The following ZMPSTE24 variants were observed in gnomAD, a reference collection of about 807,000 sequenced individuals.
ZMPSTE24 encodes the protein zinc metallopeptidase STE24, also known as CAAX prenyl protease 1 homolog.
Under a neutral mutation model 56.7 loss-of-function variants are expected in ZMPSTE24, and 48 were observed. That is an observed-to-expected ratio of 0.85 (90% confidence interval 0.67 to 1.08). The LOEUF is 1.08. ZMPSTE24 is among the 50% of genes least tolerant of loss of function. The probability of loss-of-function intolerance (pLI) is 0.00; values close to 1 mark genes in which losing one functional copy is unlikely to be tolerated. For missense variants in ZMPSTE24, 503 were observed against 548.7 expected (o/e 0.92, Z 0.83); for synonymous variants, 172 against 195.2 (o/e 0.88, Z 0.99).
At chr1:40,290,747 C>A in intron 8 of ZMPSTE24, 107 bp from the exon 9 acceptor site, 1 of 1,392,266 alleles carries the variant, frequency 7.2e-7, no homozygotes, top group Non-Finnish European at 1.0e-6. Flanking sequence ...CAGGCGTGAG[C>A]CACCGCGCCC....
intron 2 of ZMPSTE24, 26 bp downstream of exon 2, chr1:40,261,011 C>G (rs1643491903): frequency 6.2e-7 from 1 of 1,612,448 alleles, no homozygotes; most frequent in Non-Finnish European, 8.5e-7. Flanking sequence ...CTTGGAGAGA[C>G]AGTCTGTCTG....
intron 2 of ZMPSTE24, among the ~76,000 whole-genome samples, chr1:40,261,545 CT>C (rs2124576078): frequency 6.6e-6 from 1 of 152,248 alleles, no homozygotes; most frequent in Non-Finnish European, 1.5e-5. Context: ...ATGAGCCACA[CT>C]GTACCTGGCC....
chr1:40,271,083 C>A (rs1426695715), intron 5 of ZMPSTE24, among the ~76,000 whole-genome samples: 1 of 152,200 alleles, frequency 6.6e-6, no homozygotes, highest in African/African-American at 2.4e-5. Context: ...GATAGGGCCT[C>A]CCTGTGTTGC....
At chr1:40,260,088 A>G (rs575674437) in intron 1 of ZMPSTE24, among the ~76,000 whole-genome samples, 134 of 116,780 alleles carry the variant, frequency 1.1e-3, no homozygotes, top group Non-Finnish European at 1.6e-3. Context: ...TTAAGGAGAT[A>G]GATTCTCTGT....
intron 5 of ZMPSTE24, among the ~76,000 whole-genome samples, chr1:40,270,609 T>G (rs1450155387): frequency 6.6e-6 from 1 of 152,064 alleles, no homozygotes; most frequent in Non-Finnish European, 1.5e-5. Context: ...CCCCATCTGC[T>G]TCCCCTTCCC....
At chr1:40,273,518 A>C (rs1216002079) in intron 6 of ZMPSTE24, among the ~76,000 whole-genome samples, 6 of 31,956 alleles carry the variant, frequency 1.9e-4, no homozygotes, top group Admixed American at 8.0e-4. Context: ...ATTCTGTCTA[A>C]AAAAAAAAAA....
At chr1:40,271,548 G>A (rs150606914) in intron 5 of ZMPSTE24, among the ~76,000 whole-genome samples, 79 of 152,270 alleles carry the variant, frequency 5.2e-4, no homozygotes, top group African/African-American at 1.9e-3. Context: ...GTAGAACTGC[G>A]TGTTATGATT....
chr1:40,273,613 G>A (rs1488015981), intron 6 of ZMPSTE24, among the ~76,000 whole-genome samples: 1 of 131,790 alleles, frequency 7.6e-6, no homozygotes, highest in Non-Finnish European at 1.6e-5. Context: ...CCCAACTAAA[G>A]GCACGATTGG....
chr1:40,266,830 C>T (rs189976135), intron 2 of ZMPSTE24, among the ~76,000 whole-genome samples: 38 of 140,812 alleles, frequency 2.7e-4, no homozygotes, highest in African/African-American at 1.0e-3. Flanking sequence ...AGTGCAGGCA[C>T]GATCATGGCC....
rs574387426 is a variant in ZMPSTE24 at position 40,269,395 on chromosome 1, T to TA, written c.475-568dup. 8.0e-3 allele frequency among the ~76,000 whole-genome samples: 1,149 copies of TA among 144,320 alleles called. 8 individuals are homozygous for TA. The highest frequency in any genetic ancestry group is 0.017 in the African/African-American group (670 of 39,520). 94.7% of individuals were successfully genotyped at this position (144,320 alleles called of 152,430 possible). A position where few individuals can be genotyped will look rare whatever the true frequency, so the allele number is the denominator to read the frequency against. On this transcript the variant is annotated intron_variant, in intron 4 of 9. Transcript: ENST00000372759. Reference sequence around the variant, plus strand: ...GGGCAACAGAGCCAGACCTGTCTCTTAAAAAAAAAAAAGAAATTTATGTTA... The same window carrying TA: ...GGGCAACAGAGCCAGACCTGTCTCTTAAAAAAAAAAAAAGAAATTTATGTTA...
chr1:40,283,810 C>T lies in ZMPSTE24; in HGVS notation c.955-2115C>T, dbSNP rs115721283. 4.3e-3 allele frequency among the ~76,000 whole-genome samples: 659 copies of T among 152,106 alleles called. 6 individuals carry two copies. Among genetic ancestry groups the T allele is most frequent in the African/African-American group, 0.016 (645 of 41,532 alleles). ...CTGTGTTTTCAGGGCTCCTCTTACTCGAGTGCTGGATTTGTTATACTGAAC... is the reference window on the plus strand; with the variant it reads ...CTGTGTTTTCAGGGCTCCTCTTACTTGAGTGCTGGATTTGTTATACTGAAC... On this transcript the variant is annotated intron_variant, in intron 7 of 9. Transcript: ENST00000372759.
At chr1:40,276,050 A>G (rs1220178903) in intron 6 of ZMPSTE24, among the ~76,000 whole-genome samples, 1 of 152,184 alleles carries the variant, frequency 6.6e-6, no homozygotes, top group Non-Finnish European at 1.5e-5. Context: ...AGCTGCTCGG[A>G]GTGCTGGGGA....
intron 2 of ZMPSTE24, chr1:40,263,051 T>C: frequency 1.1e-6 from 1 of 926,946 alleles, no homozygotes; most frequent in African/African-American, 1.8e-5. Context: ...TACAGGGCCA[T>C]AGTAAAATAA....
At position 40,272,030 on chromosome 1, in the gene ZMPSTE24, T is replaced by C. The variant is rs1292120307; in HGVS notation, c.764T>C (p.Val255Ala). The change falls in exon 6 of 10, where the codon GTG (valine) becomes GCG (alanine). Residue 255 changes from valine to alanine, a missense_variant. Transcript: ENST00000372759. ...TTTCCTTTGACGAAGGTGTATGTTG[T>C]GGAAGGTAAGGCTACCTGGGGATAA... ...IDFPLTKVYV[V>A]EGSKRSSHSN... 5.6e-6 allele frequency: 9 copies of C among 1,606,578 alleles called. No homozygotes were observed. The highest frequency in any genetic ancestry group is 6.8e-6 in the Non-Finnish European group (8 of 1,175,926).
chr1:40,274,525 A>G (rs1185715483), intron 6 of ZMPSTE24, among the ~76,000 whole-genome samples: 1 of 152,200 alleles, frequency 6.6e-6, no homozygotes, highest in African/African-American at 2.4e-5. Flanking sequence ...GTCAATGGGA[A>G]GATGTTCAAG....
chr1:40,262,544 A>C (rs1267478118), intron 2 of ZMPSTE24: 2 of 153,564 alleles, frequency 1.3e-5, no homozygotes, highest in Non-Finnish European at 2.9e-5. Context: ...TTTTTTTTAA[A>C]TAGATGAAAG....
In ZMPSTE24 at chr1:40,288,627, G is replaced by A. The variant is rs118060523; in HGVS notation, c.1060-2227G>A. On this transcript the variant is annotated intron_variant, in intron 8 of 9. Transcript: ENST00000372759. ...AGTCATGGAGCGGCTACAGAGAAAG[G>A]CTAGCTGACCTTCACAGAGCAGGTG... is the stretch of plus-strand genomic sequence containing the variant. Among the ~76,000 whole-genome samples the A allele has an allele frequency of 8.5e-4, 129 of 152,258 alleles. No individual in the cohort carries two copies. In the East Asian group the frequency reaches 0.024, roughly 28 times the overall value.
intron 9 of ZMPSTE24, among the ~76,000 whole-genome samples, 190 bp downstream of exon 9, chr1:40,291,187 G>A (rs1049155279): frequency 2.6e-5 from 4 of 152,180 alleles, no homozygotes; most frequent in African/African-American, 9.6e-5. Context: ...ATAAATAAAC[G>A]TTTGCATACT....
chr1:40,275,752 C>CAA lies in ZMPSTE24; in HGVS notation c.769+3738_769+3739dup, dbSNP rs34281343. Among the ~76,000 whole-genome samples the CAA allele has an allele frequency of 7.0e-3, 427 of 61,308 alleles. 1 individual carries two copies. The highest frequency in any genetic ancestry group is 8.3e-3 in the Non-Finnish European group (248 of 29,784). 40.2% of individuals were successfully genotyped at this position (61,308 alleles called of 152,430 possible). A position where few individuals can be genotyped will look rare whatever the true frequency, so the allele number is the denominator to read the frequency against. On this transcript the variant is annotated intron_variant, in intron 6 of 9. Coordinates refer to ENST00000372759, the MANE Select transcript of ZMPSTE24 (RefSeq NM_005857.5). ...GGGCAACAAGAGTGAGACCCTGTCT[C>CAA]AAAAAAAAAAAAAAAAAAAAAACAA...
Sources: gnomAD v4.1 joint callset for allele counts (sites outside exome capture counted in the v4.1 genomes callset) on GRCh38, gnomAD v4.1.1 for gene constraint, MANE v1.5 for transcripts, NCBI Gene and HGNC (gene_info 2026-07-23, HGNC 2026-07-21) for gene names.